SLC24A2: variants seen among roughly 807,000 people sequenced by gnomAD.
SLC24A2 encodes the protein solute carrier family 24 member 2.
Under a neutral mutation model 62.0 loss-of-function variants are expected in SLC24A2, and 36 were observed. The observed-to-expected ratio is 0.58, with a 90% CI of 0.44 to 0.77. The LOEUF (loss-of-function observed/expected upper bound fraction) is 0.77, where lower values mean the gene tolerates loss of function less well. Ranked by LOEUF, SLC24A2 falls within the 30% of genes least tolerant of loss-of-function variation. The pLI, the probability that SLC24A2 is intolerant of heterozygous loss-of-function variation, is 0.00. For missense variants in SLC24A2, 846 were observed against 817.9 expected (o/e 1.03, Z -0.42); for synonymous variants, 358 against 294.0 (o/e 1.22, Z -2.23).
chr9:20,190,409 A>G, the SLC24A2 span, among the ~76,000 whole-genome samples: 1 of 152,202 alleles, frequency 6.6e-6, no homozygotes, highest in African/African-American at 2.4e-5. Flanking sequence ...TTAATCATCT[A>G]TTGTGTTTTT....
At chr9:19,738,428 T>C (rs1377869270) in intron 2 of SLC24A2, among the ~76,000 whole-genome samples, 4 of 152,140 alleles carry the variant, frequency 2.6e-5, no homozygotes, top group African/African-American at 9.7e-5. Context: ...CATTCTTTAA[T>C]AAATGTATTG....
At chr9:20,022,495 G>C in the SLC24A2 span, among the ~76,000 whole-genome samples, 1 of 152,170 alleles carries the variant, frequency 6.6e-6, no homozygotes, top group Non-Finnish European at 1.5e-5. Context: ...GTCAATGAGG[G>C]TCACAGGCCA....
intron 2 of SLC24A2, among the ~76,000 whole-genome samples, chr9:19,775,845 A>C (rs1822829946): frequency 6.6e-6 from 1 of 152,172 alleles, no homozygotes; most frequent in Non-Finnish European, 1.5e-5. Flanking sequence ...GATCAAACAG[A>C]TGCCCTTGTA....
At chr9:20,057,920 G>A in the SLC24A2 span, among the ~76,000 whole-genome samples, 15 of 152,292 alleles carry the variant, frequency 9.8e-5, no homozygotes, top group East Asian at 2.9e-3. Context: ...CTGCAGTTCA[G>A]TAGGCTATCA....
At chr9:20,294,117 G>A in the SLC24A2 span, among the ~76,000 whole-genome samples, 1 of 151,994 alleles carries the variant, frequency 6.6e-6, no homozygotes, top group Admixed American at 6.5e-5. Context: ...TGAAGCACCA[G>A]CTTCCCTCCT....
the SLC24A2 span, among the ~76,000 whole-genome samples, chr9:20,096,949 C>A: frequency 6.6e-6 from 1 of 152,228 alleles, no homozygotes; most frequent in Non-Finnish European, 1.5e-5. Context: ...ATGACATGCA[C>A]TGAATTCTAA....
chr9:19,824,663 T>C, the SLC24A2 span, among the ~76,000 whole-genome samples: 1 of 152,170 alleles, frequency 6.6e-6, no homozygotes, highest in East Asian at 1.9e-4. Flanking sequence ...AGCAATCCTA[T>C]TACTGGGTAT....
chr9:19,940,280 G>C, the SLC24A2 span, among the ~76,000 whole-genome samples: 1 of 152,192 alleles, frequency 6.6e-6, no homozygotes. Flanking sequence ...AACAGAAGAG[G>C]CTTTTGCCAA....
At chr9:19,561,051 G>T (rs1172464260) in intron 7 of SLC24A2, among the ~76,000 whole-genome samples, 1 of 151,754 alleles carries the variant, frequency 6.6e-6, no homozygotes, top group Non-Finnish European at 1.5e-5. Context: ...TCAGCCTCCC[G>T]AGTAGCTGGG....
At chr9:20,005,919 C>A in the SLC24A2 span, among the ~76,000 whole-genome samples, 1 of 150,022 alleles carries the variant, frequency 6.7e-6, no homozygotes, top group Non-Finnish European at 1.5e-5. Flanking sequence ...TGAAAATAAC[C>A]CAAAGTGAGG....
At chr9:19,997,523 G>C in the SLC24A2 span, among the ~76,000 whole-genome samples, 1 of 152,120 alleles carries the variant, frequency 6.6e-6, no homozygotes, top group Non-Finnish European at 1.5e-5. Context: ...AGGTGGTCAG[G>C]ATCATTCAGC....
intron 7 of SLC24A2, among the ~76,000 whole-genome samples, chr9:19,566,273 AAAAC>A (rs919650140): frequency 4.0e-5 from 6 of 150,284 alleles, no homozygotes; most frequent in African/African-American, 1.5e-4. Context: ...TTACAAGAAA[AAAAC>A]AACCCCATCA....
chr9:19,716,328 A>G (rs1456652663), intron 2 of SLC24A2, among the ~76,000 whole-genome samples: 1 of 152,226 alleles, frequency 6.6e-6, no homozygotes, highest in Non-Finnish European at 1.5e-5. Flanking sequence ...TGATTACATG[A>G]CAATGATGAT....
chr9:19,559,713 C>A (rs187725069), intron 7 of SLC24A2, among the ~76,000 whole-genome samples: 114 of 152,266 alleles, frequency 7.5e-4, no homozygotes, highest in Non-Finnish European at 4.0e-4. Context: ...AAGTTTAAAT[C>A]ACACTACACA....
intron 9 of SLC24A2, among the ~76,000 whole-genome samples, chr9:19,524,312 A>C (rs1833334987): frequency 6.6e-6 from 1 of 151,854 alleles, no homozygotes; most frequent in African/African-American, 2.4e-5. Context: ...TTAATTTCTA[A>C]TATTAGATGC....
At chr9:20,083,775 G>A in the SLC24A2 span, among the ~76,000 whole-genome samples, 420 of 152,294 alleles carry the variant, frequency 2.8e-3, 1 homozygote, top group African/African-American at 9.6e-3. Flanking sequence ...AAGCCTCTCT[G>A]CCTACATTAG....
the SLC24A2 span, among the ~76,000 whole-genome samples, chr9:20,055,883 T>A: frequency 9.9e-5 from 15 of 151,972 alleles, no homozygotes; most frequent in Non-Finnish European, 1.5e-5. Context: ...AGTGAGACTC[T>A]GTCTCCAAAA....
At chr9:19,942,204 G>T in the SLC24A2 span, among the ~76,000 whole-genome samples, 2 of 152,290 alleles carry the variant, frequency 1.3e-5, no homozygotes, top group African/African-American at 2.4e-5. Context: ...CAGAGCTGGG[G>T]AAGAAATAAT....
intron 10 of SLC24A2, among the ~76,000 whole-genome samples, chr9:19,518,190 T>C (rs1833027464): frequency 6.6e-6 from 1 of 152,152 alleles, no homozygotes; most frequent in Admixed American, 6.5e-5. Context: ...AACAGGGAAC[T>C]AGTTAAATAG....
Sources: gnomAD v4.1 joint callset for allele counts (sites outside exome capture counted in the v4.1 genomes callset) on GRCh38, gnomAD v4.1.1 for gene constraint, MANE v1.5 for transcripts, NCBI Gene and HGNC (gene_info 2026-07-23, HGNC 2026-07-21) for gene names.